SCAPER: variants seen among roughly 807,000 people sequenced by gnomAD.
SCAPER encodes the protein S-phase cyclin A associated protein in the ER, also known as S phase cyclin A-associated protein in the endoplasmic reticulum.
In SCAPER, 98 loss-of-function variants were observed where a neutral mutation model predicts 182.2. That is an observed-to-expected ratio of 0.54 (90% CI 0.46 to 0.64). The LOEUF (loss-of-function observed/expected upper bound fraction) is 0.64, where lower values mean the gene tolerates loss of function less well. SCAPER is among the 30% of genes least tolerant of loss of function. SCAPER has a pLI of 0.00. For missense variants in SCAPER, 1,432 were observed against 1,690.0 expected, an observed-to-expected ratio of 0.85 and a Z score of 2.68; for synonymous variants, 605 against 564.6, an observed-to-expected ratio of 1.07 and a Z score of -1.01.
chr15:76,517,702 T>C (rs1395943466), intron 23 of SCAPER, among the ~76,000 whole-genome samples: 4 of 152,176 alleles, frequency 2.6e-5, no homozygotes, highest in Admixed American at 2.0e-4. Context: ...TAAGAAATTA[T>C]ATTGGTAGTA....
chr15:76,689,507 T>G (rs142676840), intron 20 of SCAPER, among the ~76,000 whole-genome samples: 19 of 152,186 alleles, frequency 1.2e-4, no homozygotes, highest in Admixed American at 3.3e-4. Context: ...AAATATCAAT[T>G]ATTGACTCAA....
chr15:76,761,427 G>A (rs2151249293), intron 14 of SCAPER, among the ~76,000 whole-genome samples: 1 of 152,098 alleles, frequency 6.6e-6, no homozygotes, highest in East Asian at 1.9e-4. Context: ...ACTAGTGTAG[G>A]CATTTATTAC....
chr15:76,495,688 A>G (rs2040434385), intron 24 of SCAPER, among the ~76,000 whole-genome samples: 1 of 151,854 alleles, frequency 6.6e-6, no homozygotes, highest in Admixed American at 6.6e-5. Context: ...GATGAATAAT[A>G]TGGAGATACT....
At chr15:76,641,803 G>A (rs1359808166) in intron 21 of SCAPER, among the ~76,000 whole-genome samples, 1 of 152,124 alleles carries the variant, frequency 6.6e-6, no homozygotes, top group African/African-American at 2.4e-5. Flanking sequence ...AGTTAGGCAA[G>A]AAAGAAGGAC....
At chr15:76,503,885 CT>C (rs928530310) in intron 24 of SCAPER, among the ~76,000 whole-genome samples, 60 of 146,490 alleles carry the variant, frequency 4.1e-4, no homozygotes, top group Middle Eastern at 3.5e-3. Context: ...GAAGCATTTA[CT>C]TTTTTTTTTT....
chr15:76,604,592 A>G (rs2050199736), intron 22 of SCAPER, among the ~76,000 whole-genome samples: 1 of 63,434 alleles, frequency 1.6e-5, no homozygotes, highest in African/African-American at 3.2e-5. Flanking sequence ...TGGGGATGGC[A>G]TTGAATCTAT....
At chr15:76,889,209 GAC>G (rs1234437565) in intron 1 of SCAPER, among the ~76,000 whole-genome samples, 1 of 152,192 alleles carries the variant, frequency 6.6e-6, no homozygotes, top group African/African-American at 2.4e-5. Context: ...ACCGGTACCA[GAC>G]ACTGCAAAAA....
intron 25 of SCAPER, among the ~76,000 whole-genome samples, chr15:76,444,895 C>G (rs990417287): frequency 6.6e-6 from 1 of 152,208 alleles, no homozygotes; most frequent in African/African-American, 2.4e-5. Flanking sequence ...TCTCCCCATT[C>G]AGTCATTGGA....
chr15:76,639,031 C>T (rs1306914956), intron 21 of SCAPER, among the ~76,000 whole-genome samples: 1 of 152,102 alleles, frequency 6.6e-6, no homozygotes, highest in East Asian at 1.9e-4. Flanking sequence ...TAGAAAATGC[C>T]TGTCTTGTTT....
chr15:76,733,074 C>G (rs1262557431), intron 16 of SCAPER, among the ~76,000 whole-genome samples, 155 bp downstream of exon 16: 1 of 152,218 alleles, frequency 6.6e-6, no homozygotes, highest in Non-Finnish European at 1.5e-5. Flanking sequence ...GTGGTCCCCC[C>G]AGGCCCAGCT....
chr15:76,639,924 A>G (rs1407812326), intron 21 of SCAPER, among the ~76,000 whole-genome samples: 1 of 152,146 alleles, frequency 6.6e-6, no homozygotes, highest in Non-Finnish European at 1.5e-5. Flanking sequence ...TCCTTTAATC[A>G]ATATCATAGT....
At chr15:76,802,265 G>A (rs925413682) in intron 6 of SCAPER, among the ~76,000 whole-genome samples, 6 of 152,084 alleles carry the variant, frequency 3.9e-5, no homozygotes, top group African/African-American at 1.4e-4. Flanking sequence ...GATTAGACCC[G>A]GTATAGGCTC....
intron 24 of SCAPER, among the ~76,000 whole-genome samples, chr15:76,475,296 C>T (rs2143007004): frequency 6.6e-6 from 1 of 151,760 alleles, no homozygotes; most frequent in Non-Finnish European, 1.5e-5. Flanking sequence ...AACAGTTCTC[C>T]ATGACATCTA....
At chr15:76,633,096 T>C (rs1171809682) in intron 21 of SCAPER, among the ~76,000 whole-genome samples, 1 of 152,088 alleles carries the variant, frequency 6.6e-6, no homozygotes, top group Non-Finnish European at 1.5e-5. Context: ...GACCTTTAAA[T>C]GGGGTTTTTG....
chr15:76,596,423 C>T (rs1372513551), intron 22 of SCAPER, among the ~76,000 whole-genome samples: 2 of 119,432 alleles, frequency 1.7e-5, no homozygotes, highest in African/African-American at 5.1e-5. Flanking sequence ...AAAACTACTT[C>T]AAACAATAGA....
chr15:76,893,092 G>A (rs988684985), intron 1 of SCAPER, among the ~76,000 whole-genome samples: 2 of 152,190 alleles, frequency 1.3e-5, no homozygotes, highest in Non-Finnish European at 2.9e-5. Flanking sequence ...AACATCGCAT[G>A]TTCTCACTCA....
At chr15:76,477,571 CAAATTT>C (rs1277076156) in intron 24 of SCAPER, among the ~76,000 whole-genome samples, 1 of 152,014 alleles carries the variant, frequency 6.6e-6, no homozygotes, top group African/African-American at 2.4e-5. Flanking sequence ...TAGATATTAT[CAAATTT>C]AAACTGCCCT....
In SCAPER at chr15:76,464,665, G is replaced by A. The variant is rs11855652; in HGVS notation, c.3078+6547C>T. Among the ~76,000 whole-genome samples the A allele has an allele frequency of 8.2e-3, 1,246 of 152,224 alleles. 12 individuals carry two copies. The highest frequency in any genetic ancestry group is 0.028 in the African/African-American group (1,181 of 41,544). On this transcript the variant is annotated intron_variant, in intron 25 of 31. Coordinates refer to ENST00000563290, the MANE Select transcript of SCAPER (RefSeq NM_020843.4). ...CACTCATTTGTTGATGAATATTTAG[G>A]TATTTCCACCTCTTGGCTCTTGTGA... is the stretch of plus-strand genomic sequence containing the variant.
At chr15:76,656,715 A>G (rs761912539) in intron 21 of SCAPER, among the ~76,000 whole-genome samples, 7 of 152,184 alleles carry the variant, frequency 4.6e-5, no homozygotes, top group Admixed American at 2.6e-4. Flanking sequence ...CCACAGCACC[A>G]CAGAAGTAGG....
Sources: gnomAD v4.1 joint callset for allele counts (sites outside exome capture counted in the v4.1 genomes callset) on GRCh38, gnomAD v4.1.1 for gene constraint, MANE v1.5 for transcripts, NCBI Gene and HGNC (gene_info 2026-07-23, HGNC 2026-07-21) for gene names.